HGD: variants seen among roughly 807,000 people sequenced by gnomAD.
HGD encodes homogentisate oxidase.
HGD carries 61 observed loss-of-function variants against 60.8 expected under a neutral mutation model. The ratio of observed to expected loss-of-function variants is 1.00; its 90% CI spans 0.82 to 1.24. The LOEUF is 1.24. Among genes scored for constraint, HGD ranks in the 50% most tolerant of loss-of-function variants. HGD has a pLI of 0.00. For missense variants in HGD, 542 were observed against 547.1 expected (o/e 0.99, Z 0.09); for synonymous variants, 212 against 187.7 (o/e 1.13, Z -1.06).
intron 4 of HGD, among the ~76,000 whole-genome samples, chr3:120,656,269 A>G (rs1576303910): frequency 6.6e-6 from 1 of 152,208 alleles, no homozygotes; most frequent in South Asian, 2.1e-4. Context: ...TGTTGTTTAA[A>G]CTACCCAGTC....
chr3:120,675,707 A>G, intron 2 of HGD, 85 bp downstream of exon 2: 2 of 1,002,846 alleles, frequency 2.0e-6, no homozygotes, highest in Non-Finnish European at 3.2e-6. Flanking sequence ...TGGAAGAGCC[A>G]CGGTGGGTGG....
At chr3:120,648,973 G>A (rs531860448) in intron 6 of HGD, among the ~76,000 whole-genome samples, 28 of 152,144 alleles carry the variant, frequency 1.8e-4, no homozygotes, top group African/African-American at 4.8e-4. Context: ...TATTGAAAGC[G>A]CCTTCAACTT....
intron 1 of HGD, among the ~76,000 whole-genome samples, chr3:120,679,970 A>G (rs2733806): frequency 0.24 from 36,044 of 152,106 alleles, 5,194 homozygotes; most frequent in African/African-American, 0.41. Flanking sequence ...TACGTAGAAT[A>G]GTAGGTCCTG....
chr3:120,639,451 C>G (rs1940897783), intron 11 of HGD, among the ~76,000 whole-genome samples: 1 of 152,166 alleles, frequency 6.6e-6, no homozygotes, highest in Non-Finnish European at 1.5e-5. Context: ...ATGACTTTTT[C>G]CTCTTGCTGT....
intron 6 of HGD, among the ~76,000 whole-genome samples, chr3:120,649,139 C>CTTTTTTTTTT (rs10572267): frequency 3.3e-4 from 31 of 94,404 alleles, no homozygotes; most frequent in African/African-American, 6.3e-4. Flanking sequence ...TCTTCTTTTT[C>CTTTTTTTTTT]TTTTTTTTTT....
At chr3:120,655,907 GA>G (rs1941482176) in intron 4 of HGD, among the ~76,000 whole-genome samples, 2 of 152,216 alleles carry the variant, frequency 1.3e-5, no homozygotes, top group Admixed American at 1.3e-4. Context: ...CTCCAGAGGA[GA>G]AACTCTGAAA....
chr3:120,634,954 CTA>C (rs1940712190), intron 12 of HGD, among the ~76,000 whole-genome samples: 1 of 152,168 alleles, frequency 6.6e-6, no homozygotes, highest in Admixed American at 6.5e-5. Flanking sequence ...CATAAATTGT[CTA>C]TGTTTTAAAA....
At chr3:120,632,338 AT>A (rs1940616458) in intron 13 of HGD, among the ~76,000 whole-genome samples, 1 of 152,164 alleles carries the variant, frequency 6.6e-6, no homozygotes, top group Non-Finnish European at 1.5e-5. Flanking sequence ...GCAAATTTGC[AT>A]GTGATTTAGC....
At chr3:120,645,377 T>A in intron 9 of HGD, among the ~76,000 whole-genome samples, 1 of 152,158 alleles carries the variant, frequency 6.6e-6, no homozygotes, top group East Asian at 1.9e-4. Context: ...CCTGTCCCTG[T>A]TTGCTCTAAA....
chr3:120,676,975 A>T (rs1708143383), intron 1 of HGD, among the ~76,000 whole-genome samples: 1 of 152,130 alleles, frequency 6.6e-6, no homozygotes, highest in Non-Finnish European at 1.5e-5. Context: ...TACTTTTGTA[A>T]TTTCTTATGC....
chr3:120,676,746 T>A (rs1708138505), intron 1 of HGD, among the ~76,000 whole-genome samples: 1 of 152,208 alleles, frequency 6.6e-6, no homozygotes, highest in South Asian at 2.1e-4. Context: ...TAGCCCAGGA[T>A]AATGAAAATG....
At chr3:120,654,518 C>T (rs1941435962) in intron 4 of HGD, among the ~76,000 whole-genome samples, 1 of 152,218 alleles carries the variant, frequency 6.6e-6, no homozygotes, top group Non-Finnish European at 1.5e-5. Flanking sequence ...AACCAACCAA[C>T]CCACCAACTG....
At chr3:120,658,071 T>C (rs1202189252) in intron 4 of HGD, among the ~76,000 whole-genome samples, 1 of 152,158 alleles carries the variant, frequency 6.6e-6, no homozygotes, top group Non-Finnish European at 1.5e-5. Flanking sequence ...ATCCAAACCA[T>C]ATTATTCTGC....
At chr3:120,682,239 TG>T, upstream of HGD, 1 of 887,202 alleles carries the variant, frequency 1.1e-6, no homozygotes. Flanking sequence ...TGCGCTTCAC[TG>T]GTCAGTGCGT....
At chr3:120,665,157 C>T (rs1360894900) in intron 4 of HGD, among the ~76,000 whole-genome samples, 4 of 152,188 alleles carry the variant, frequency 2.6e-5, no homozygotes, top group Non-Finnish European at 5.9e-5. Flanking sequence ...ACAAATTAGA[C>T]AGCAAATACC....
chr3:120,649,824 G>A lies in HGD; in HGVS notation c.434+950C>T, dbSNP rs113702755. Among the ~76,000 whole-genome samples the A allele has an allele frequency of 7.5e-3, 1,141 of 152,206 alleles. 10 individuals carry two copies. Among genetic ancestry groups the A allele is most frequent in the African/African-American group, 0.027 (1,104 of 41,500 alleles). On this transcript the variant is annotated intron_variant, in intron 6 of 13. Transcript: ENST00000283871. ...TGGCATTTTGAGGCCTCTCAGAGGT[G>A]CTAGATCTCTGGAGAGAGAAACTGA...
intron 2 of HGD, among the ~76,000 whole-genome samples, chr3:120,675,414 G>A (rs982852166): frequency 2.0e-5 from 3 of 150,650 alleles, no homozygotes; most frequent in African/African-American, 7.3e-5. Flanking sequence ...TTCCCGTGTT[G>A]TTGCTTTTCT....
chr3:120,628,173 C>G lies in HGD; in HGVS notation c.*207G>C. 5.0e-6 allele frequency: 3 copies of G among 595,936 alleles called. No individual in the cohort carries two copies. In the South Asian group the frequency reaches 5.7e-5, roughly 11 times the overall value. 36.9% of individuals were successfully genotyped at this position (595,936 alleles called of 1,614,324 possible). On this transcript the variant is annotated 3_prime_UTR_variant, in exon 14 of 14. Coordinates refer to ENST00000283871, the MANE Select transcript of HGD (RefSeq NM_000187.4). The stretch of plus-strand genomic sequence containing the variant: ...ACTTGATTATGACCAATCACTACGT[C>G]CACAGAACACCAGCAAGTTTATTGA...
At chr3:120,675,944 G>T in intron 1 of HGD, 81 bp from the exon 2 acceptor site, 2 of 972,560 alleles carry the variant, frequency 2.1e-6, no homozygotes, top group South Asian at 1.3e-5. Context: ...ACTAAGGTAA[G>T]AATTTCTATA....
Sources: allele counts gnomAD v4.1 joint callset (sites outside exome capture counted in the v4.1 genomes callset), GRCh38; gene constraint gnomAD v4.1.1; transcripts MANE v1.5; gene names NCBI Gene and HGNC (gene_info 2026-07-23, HGNC 2026-07-21).